The following SEC24A variants were observed in gnomAD, a reference collection of about 807,000 sequenced individuals.
The protein encoded by SEC24A is protein transport protein Sec24A.
SEC24A carries 93 observed loss-of-function variants against 129.4 expected under a neutral mutation model. The observed-to-expected ratio is 0.72, with a 90% CI of 0.61 to 0.85. The LOEUF (loss-of-function observed/expected upper bound fraction) is 0.85. Ranked by LOEUF, SEC24A falls within the 40% of genes least tolerant of loss-of-function variation. The pLI, the probability that SEC24A is intolerant of heterozygous loss-of-function variation, is 0.00. For missense variants in SEC24A, 1,264 were observed against 1,307.4 expected, an observed-to-expected ratio of 0.97 and a Z score of 0.51; for synonymous variants, 460 against 467.3, an observed-to-expected ratio of 0.98 and a Z score of 0.20.
intron 1 of SEC24A, among the ~76,000 whole-genome samples, chr5:134,659,065 T>TTATC (rs945797332): frequency 6.7e-6 from 1 of 149,376 alleles, no homozygotes; most frequent in African/African-American, 2.5e-5. Context: ...ATTTATTTAT[T>TTATC]TATTTATTTA....
chr5:134,676,057 A>G lies in SEC24A; in HGVS notation c.1186A>G (p.Thr396Ala), dbSNP rs761671201. 1.2e-6 allele frequency: 2 copies of G among 1,613,286 alleles called. No individual in the cohort carries two copies. Among genetic ancestry groups the G allele is most frequent in the Admixed American group, 1.7e-5 (1 of 59,890 alleles). Residue 396 changes from threonine to alanine, a missense_variant, in exon 7 of 23, where the codon ACG becomes GCG. Thr to Ala is a moderately conservative substitution (Grantham distance 58, BLOSUM62 0). Coordinates refer to ENST00000398844, the MANE Select transcript of SEC24A (RefSeq NM_021982.3). ...ATGCACGCTGACTAGCATTCCTCAG[A>G]CGCAGGCCTTATTGAATAAAGCCAA... ...FRCTLTSIPQ[T>A]QALLNKAKLP... is the part of the protein sequence containing the mutation.
intron 9 of SEC24A, among the ~76,000 whole-genome samples, 190 bp from the exon 10 acceptor site, chr5:134,686,600 G>A (rs1324108064): frequency 2.0e-5 from 3 of 152,016 alleles, no homozygotes; most frequent in East Asian, 1.9e-4. Flanking sequence ...TCTGAATTAC[G>A]GCAATCACAG....
chr5:134,676,178 C>A, intron 7 of SEC24A, 53 bp downstream of exon 7: 1 of 1,365,900 alleles, frequency 7.3e-7, no homozygotes. Flanking sequence ...CTCCCTCTGT[C>A]GCCCAGGCTG....
At chr5:134,703,449 G>A (rs1389035979) in intron 15 of SEC24A, among the ~76,000 whole-genome samples, 2 of 152,030 alleles carry the variant, frequency 1.3e-5, no homozygotes, top group African/African-American at 2.4e-5. Flanking sequence ...TGTGTTTTTG[G>A]TAGAGACAGG....
chr5:134,677,889 C>T lies in SEC24A; in HGVS notation c.1255-1713C>T, dbSNP rs541532754. Among the ~76,000 whole-genome samples the T allele has an allele frequency of 5.9e-5, 9 of 151,898 alleles. No homozygotes were observed. In the East Asian group the frequency reaches 1.7e-3, roughly 29 times the overall value. ...TCTTTAAAGATGAGATGCTATGTCA[C>T]TTTGTTGTCCAAGGCACTGGCTCTC... On this transcript the variant is annotated intron_variant, in intron 7 of 22. Transcript: ENST00000398844.
intron 19 of SEC24A, among the ~76,000 whole-genome samples, chr5:134,717,079 A>G (rs1033478885): frequency 1.3e-5 from 2 of 151,434 alleles, no homozygotes; most frequent in Admixed American, 6.6e-5. Flanking sequence ...GTGTTTCACC[A>G]TGTTCTTAAG....
At chr5:134,704,972 CTG>C (rs1364489498) in intron 16 of SEC24A, among the ~76,000 whole-genome samples, 1 of 151,042 alleles carries the variant, frequency 6.6e-6, no homozygotes, top group Non-Finnish European at 1.5e-5. Flanking sequence ...GTGTGAGCCA[CTG>C]TGTCTGGCCA....
chr5:134,723,616 T>C lies in SEC24A; in HGVS notation c.3113T>C (p.Phe1038Ser). The C allele has an allele frequency of 1.2e-6, 2 of 1,613,608 alleles. No homozygotes were observed. The highest frequency in any genetic ancestry group is 1.7e-6 in the Non-Finnish European group (2 of 1,179,576). The change falls in exon 22 of 23, where the codon TTC becomes TCC. Residue 1038 changes from phenylalanine (F) to serine (S), a missense_variant. Coordinates refer to ENST00000398844, the MANE Select transcript of SEC24A (RefSeq NM_021982.3). Reference protein sequence around the residue: ...DTPESARIIAFISWLREQRPF... With the variant: ...DTPESARIIASISWLREQRPF... The stretch of plus-strand genomic sequence containing the variant: ...CCAGAATCTGCCAGAATAATAGCTT[T>C]CATCTCTTGGCTTAGAGAGCAGAGA...
Position 134,687,093 on chromosome 5 carries a change from A to G in SEC24A, c.1604+191A>G, listed in dbSNP as rs191109040. ...CTATAGTTGGTAGGAAGAATAATGT[A>G]ATGAACTTCCAGTCACCTGTCACCC... is the stretch of plus-strand genomic sequence containing the variant. On this transcript the variant is annotated intron_variant, in intron 10 of 22. Transcript: ENST00000398844. 5.7e-3 allele frequency among the ~76,000 whole-genome samples: 867 copies of G among 152,334 alleles called. 7 individuals are homozygous for G. The highest frequency in any genetic ancestry group is 9.5e-3 in the Non-Finnish European group (643 of 68,022).
chr5:134,705,090 ATTTT>A (rs58181904), intron 16 of SEC24A, among the ~76,000 whole-genome samples: 6 of 123,302 alleles, frequency 4.9e-5, no homozygotes, highest in South Asian at 2.5e-4. Flanking sequence ...ATATATATAT[ATTTT>A]TTTTTTTTTA....
intron 8 of SEC24A, among the ~76,000 whole-genome samples, chr5:134,681,513 CTT>C (rs1751274283): frequency 6.6e-6 from 1 of 151,330 alleles, no homozygotes; most frequent in African/African-American, 2.4e-5. Flanking sequence ...AGGCTAAGAA[CTT>C]TCTCTTGCAC....
At chr5:134,651,646 G>T (rs566854400) in intron 1 of SEC24A, among the ~76,000 whole-genome samples, 38 of 151,714 alleles carry the variant, frequency 2.5e-4, no homozygotes, top group African/African-American at 8.9e-4. Flanking sequence ...TATATATTTT[G>T]TAGAGATGAG....
At position 134,691,502 on chromosome 5, in the gene SEC24A, C is replaced by CTT. The variant is rs557222613; in HGVS notation, c.1724-1086_1724-1085dup. Reference sequence around the variant, plus strand: ...TTTTAAAGGCACTGGTGTGGGCCTTCTTTTTTTTTTTTTTTGAGACGAGTC... The same window carrying CTT: ...TTTTAAAGGCACTGGTGTGGGCCTTCTTTTTTTTTTTTTTTTTGAGACGAGTC... On this transcript the variant is annotated intron_variant, in intron 11 of 22. Transcript: ENST00000398844. 7.5e-3 allele frequency among the ~76,000 whole-genome samples: 938 copies of CTT among 125,418 alleles called. 7 individuals are homozygous for CTT. The highest frequency in any genetic ancestry group is 0.041 in the Middle Eastern group (8 of 196). 82.3% of individuals were successfully genotyped at this position (125,418 alleles called of 152,430 possible).
intron 17 of SEC24A, among the ~76,000 whole-genome samples, chr5:134,708,478 TAA>T (rs1051658386): frequency 6.6e-6 from 1 of 152,222 alleles, no homozygotes; most frequent in Non-Finnish European, 1.5e-5. Flanking sequence ...TCAGGAAGGT[TAA>T]GTTACTTGCC....
chr5:134,668,901 A>C (rs1376678609), intron 3 of SEC24A, among the ~76,000 whole-genome samples: 1 of 151,500 alleles, frequency 6.6e-6, no homozygotes, highest in Non-Finnish European at 1.5e-5. Flanking sequence ...AATAAAAATA[A>C]TAAAAAATAA....
intron 1 of SEC24A, among the ~76,000 whole-genome samples, chr5:134,655,034 G>A (rs964105348): frequency 2.6e-5 from 4 of 151,988 alleles, no homozygotes; most frequent in African/African-American, 4.8e-5. Context: ...CTAAAGAAAC[G>A]TACAGCTTTT....
intron 20 of SEC24A, 35 bp downstream of exon 20, chr5:134,718,208 A>C: frequency 7.2e-7 from 1 of 1,396,842 alleles, no homozygotes; most frequent in Non-Finnish European, 1.0e-6. Context: ...CCTCACTGCA[A>C]ACTACTATAC....
intron 14 of SEC24A, among the ~76,000 whole-genome samples, 166 bp downstream of exon 14, chr5:134,697,412 A>G (rs1751861845): frequency 6.6e-6 from 1 of 152,156 alleles, no homozygotes; most frequent in Non-Finnish European, 1.5e-5. Flanking sequence ...TACTCTAAAC[A>G]TTTAGTAATA....
intron 1 of SEC24A, among the ~76,000 whole-genome samples, chr5:134,652,373 C>G (rs1384960705): frequency 6.6e-6 from 1 of 151,940 alleles, no homozygotes; most frequent in Non-Finnish European, 1.5e-5. Context: ...ACTGCAACCT[C>G]CATCTCCTGG....
Sources: allele counts gnomAD v4.1 joint callset (sites outside exome capture counted in the v4.1 genomes callset), GRCh38; gene constraint gnomAD v4.1.1; transcripts MANE v1.5; gene names NCBI Gene and HGNC (gene_info 2026-07-23, HGNC 2026-07-21).